The following ABAT variants were observed in gnomAD, a reference collection of about 807,000 sequenced individuals.
ABAT encodes 4-aminobutyrate aminotransferase, also known as 4-aminobutyrate aminotransferase, mitochondrial.
In ABAT, 45 loss-of-function variants were observed where a neutral mutation model predicts 64.6. The ratio of observed to expected loss-of-function variants is 0.70; its 90% CI spans 0.55 to 0.89. The LOEUF (loss-of-function observed/expected upper bound fraction) is 0.89, where lower values mean the gene tolerates loss of function less well. Among genes scored for constraint, ABAT ranks in the 40% least tolerant of loss-of-function variants. The pLI is 0.00. For missense variants in ABAT, 633 were observed against 658.4 expected, an observed-to-expected ratio of 0.96 and a Z score of 0.42; for synonymous variants, 297 against 250.5, an observed-to-expected ratio of 1.19 and a Z score of -1.75.
intron 1 of ABAT, among the ~76,000 whole-genome samples, chr16:8,710,075 A>C (rs2142072989): frequency 6.6e-6 from 1 of 152,208 alleles, no homozygotes; most frequent in South Asian, 2.1e-4. Flanking sequence ...GGCCTCCCAA[A>C]GTGCTAGGAT....
At chr16:8,711,738 G>GGATGGATGGGAA (rs2058077578) in intron 1 of ABAT, among the ~76,000 whole-genome samples, 1 of 135,642 alleles carries the variant, frequency 7.4e-6, no homozygotes, top group Non-Finnish European at 1.6e-5. Flanking sequence ...ATGGATGGGT[G>GGATGGATGGGAA]GATGGATGGG....
At chr16:8,757,830 G>A (rs2059690486) in intron 6 of ABAT, 24 bp downstream of exon 6, 1 of 1,611,518 alleles carries the variant, frequency 6.2e-7, no homozygotes, top group Non-Finnish European at 8.5e-7. Flanking sequence ...TTACACAGAA[G>A]AAAGACAAAA....
intron 5 of ABAT, among the ~76,000 whole-genome samples, chr16:8,752,922 A>C (rs1182520289): frequency 6.6e-6 from 1 of 152,074 alleles, no homozygotes; most frequent in Non-Finnish European, 1.5e-5. Context: ...TGCCTTATAC[A>C]TTATCTCATT....
At position 8,757,872 on chromosome 16, in the gene ABAT, C is replaced by T; in HGVS notation, c.366+66C>T. 2.0e-6 allele frequency: 3 copies of T among 1,511,584 alleles called. No homozygotes were observed. In the South Asian group the frequency reaches 3.4e-5, roughly 17 times the overall value. 93.6% of individuals were successfully genotyped at this position (1,511,584 alleles called of 1,614,324 possible). On this transcript the variant is annotated intron_variant, in intron 6 of 15. Coordinates refer to ENST00000268251, the MANE Select transcript of ABAT (RefSeq NM_020686.6). ...CATGGCCATTCACAGAATCACTGGG[C>T]AGACTTTGGCAATAGTCCTTTCATT... is the stretch of plus-strand genomic sequence containing the variant.
intron 1 of ABAT, among the ~76,000 whole-genome samples, chr16:8,728,105 C>T (rs530539354): frequency 2.0e-5 from 3 of 152,182 alleles, no homozygotes; most frequent in African/African-American, 7.2e-5. Flanking sequence ...TATATCTAAA[C>T]GATGCAGTGC....
intron 1 of ABAT, among the ~76,000 whole-genome samples, chr16:8,733,532 C>T (rs1596438028): frequency 6.6e-6 from 1 of 151,908 alleles, no homozygotes; most frequent in East Asian, 1.9e-4. Flanking sequence ...TGCACTCCAG[C>T]CTGGGCACCA....
intron 1 of ABAT, chr16:8,713,781 G>C (rs140998674): frequency 2.3e-5 from 10 of 444,064 alleles, no homozygotes; most frequent in African/African-American, 2.0e-4. Context: ...AGCCAGCTGC[G>C]TTCCTGGCCT....
At chr16:8,683,626 G>A (rs1485797622) in intron 1 of ABAT, 2 of 152,116 alleles carry the variant, frequency 1.3e-5, no homozygotes, top group Non-Finnish European at 2.9e-5. Context: ...TGGGGTGTAG[G>A]GGGAGCATTC....
chr16:8,702,031 G>T (rs1222048007), intron 1 of ABAT, among the ~76,000 whole-genome samples: 1 of 152,180 alleles, frequency 6.6e-6, no homozygotes, highest in South Asian at 2.1e-4. Context: ...ACTCTGCGAT[G>T]GGGGTGTATT....
intron 1 of ABAT, among the ~76,000 whole-genome samples, chr16:8,676,079 G>T (rs1766213614): frequency 6.6e-6 from 1 of 152,142 alleles, no homozygotes; most frequent in Non-Finnish European, 1.5e-5. Context: ...TGGTGGGTCA[G>T]GTTGGGAGGC....
chr16:8,717,629 T>C (rs2058249939), intron 1 of ABAT, among the ~76,000 whole-genome samples: 1 of 152,158 alleles, frequency 6.6e-6, no homozygotes, highest in Non-Finnish European at 1.5e-5. Context: ...AATCAATCCA[T>C]CAGGCACCTC....
At chr16:8,710,438 G>T (rs577887758) in intron 1 of ABAT, among the ~76,000 whole-genome samples, 1 of 152,108 alleles carries the variant, frequency 6.6e-6, no homozygotes, top group South Asian at 2.1e-4. Context: ...GTATGATCAA[G>T]CCCTTAGAGA....
intron 1 of ABAT, chr16:8,715,040 A>G (rs2058174661): frequency 6.6e-6 from 1 of 152,138 alleles, no homozygotes; most frequent in African/African-American, 2.4e-5. Context: ...AGCTAACACT[A>G]TACGCCCTCC....
Position 8,728,321 on chromosome 16 carries a change from T to A in ABAT, c.-41-7378T>A, listed in dbSNP as rs1023694405. On this transcript the variant is annotated intron_variant, in intron 1 of 15. Transcript: ENST00000268251. Reference sequence around the variant, plus strand: ...ACGGTATATTTTCCAATGTGACATTTTGTAATTGAAAACGTGTGGGATTGG... The same window carrying A: ...ACGGTATATTTTCCAATGTGACATTATGTAATTGAAAACGTGTGGGATTGG... 3.9e-5 allele frequency among the ~76,000 whole-genome samples: 6 copies of A among 152,380 alleles called. No homozygotes were observed. In the East Asian group the frequency reaches 1.2e-3, roughly 29 times the overall value.
intron 1 of ABAT, chr16:8,712,829 G>A (rs1158365485): frequency 6.6e-6 from 1 of 152,222 alleles, no homozygotes; most frequent in Non-Finnish European, 1.5e-5. Flanking sequence ...CCGAAGCGCT[G>A]TCACGGTGAT....
chr16:8,729,151 A>AG (rs1236392383), intron 1 of ABAT, among the ~76,000 whole-genome samples: 4 of 151,196 alleles, frequency 2.6e-5, no homozygotes, highest in Admixed American at 2.0e-4. Context: ...TACTGAAAAA[A>AG]AAAAAAATTA....
intron 1 of ABAT, among the ~76,000 whole-genome samples, chr16:8,718,578 C>A (rs148935458): frequency 6.6e-6 from 1 of 152,162 alleles, no homozygotes; most frequent in Admixed American, 6.5e-5. Flanking sequence ...GTTCTGGACC[C>A]TGGAAATGGA....
intron 3 of ABAT, among the ~76,000 whole-genome samples, chr16:8,746,600 TGAA>T (rs2059337328): frequency 6.6e-6 from 1 of 151,204 alleles, no homozygotes; most frequent in African/African-American, 2.4e-5. Context: ...AGGCTGGTCT[TGAA>T]GTCCTGACCT....
At position 8,699,563 on chromosome 16, in the gene ABAT, C is replaced by A. The variant is rs113276512; in HGVS notation, c.-42+24852C>A. The stretch of plus-strand genomic sequence containing the variant: ...ACTGACTGAGACTCCGTCTCAAAAA[C>A]AATAATAAAATAAAATAAAACAGGA... On this transcript the variant is annotated intron_variant, in intron 1 of 15. Coordinates refer to ENST00000268251, the MANE Select transcript of ABAT (RefSeq NM_020686.6). Among the ~76,000 whole-genome samples, 4 of 150,776 alleles carry A rather than the reference C, an allele frequency of 2.7e-5. No homozygotes were observed. In the South Asian group the frequency reaches 6.6e-4, roughly 25 times the overall value.
Sources: gnomAD v4.1 joint callset for allele counts (sites outside exome capture counted in the v4.1 genomes callset) on GRCh38, gnomAD v4.1.1 for gene constraint, MANE v1.5 for transcripts, NCBI Gene and HGNC (gene_info 2026-07-23, HGNC 2026-07-21) for gene names.